MYO5B: variants seen among roughly 807,000 people sequenced by gnomAD.
The protein encoded by MYO5B is myosin VB.
Under a neutral mutation model 229.3 loss-of-function variants are expected in MYO5B, and 143 were observed. That is an observed-to-expected ratio of 0.62 (90% CI 0.54 to 0.72). The LOEUF (loss-of-function observed/expected upper bound fraction) is 0.72, where lower values mean the gene tolerates loss of function less well. Ranked by LOEUF, MYO5B falls within the 30% of genes least tolerant of loss-of-function variation. The probability of loss-of-function intolerance (pLI) is 0.00; values close to 1 mark genes in which losing one functional copy is unlikely to be tolerated. For missense variants in MYO5B, 2,321 were observed against 2,331.0 expected (o/e 1.00, Z 0.09); for synonymous variants, 918 against 885.2 (o/e 1.04, Z -0.66).
intron 1 of MYO5B, among the ~76,000 whole-genome samples, chr18:50,141,932 G>C (rs1340077172): frequency 6.6e-6 from 1 of 152,204 alleles, no homozygotes. Flanking sequence ...ATTCAAGAAA[G>C]AGAAAATCAT....
At chr18:50,122,753 C>T (rs2032090421) in intron 1 of MYO5B, among the ~76,000 whole-genome samples, 1 of 149,624 alleles carries the variant, frequency 6.7e-6, no homozygotes, top group Non-Finnish European at 1.5e-5. Flanking sequence ...CAAATCAAAA[C>T]CACAATAAGA....
intron 4 of MYO5B, among the ~76,000 whole-genome samples, chr18:50,012,159 A>G (rs566583389): frequency 2.0e-5 from 3 of 152,210 alleles, no homozygotes; most frequent in Non-Finnish European, 2.9e-5. Context: ...TTTGTTTTTA[A>G]AATTCCACAA....
chr18:49,975,127 A>G (rs1032601513), intron 9 of MYO5B, among the ~76,000 whole-genome samples: 5 of 152,322 alleles, frequency 3.3e-5, no homozygotes, highest in African/African-American at 1.2e-4. Context: ...CAGCCCAGAA[A>G]GCAATTCTCT....
chr18:50,067,236 T>C (rs924509270), intron 1 of MYO5B, among the ~76,000 whole-genome samples: 1 of 152,202 alleles, frequency 6.6e-6, no homozygotes, highest in African/African-American at 2.4e-5. Context: ...AAAAGAGAGC[T>C]GTCACTGTGA....
At chr18:50,041,655 T>G (rs1179502377) in intron 2 of MYO5B, among the ~76,000 whole-genome samples, 1 of 152,184 alleles carries the variant, frequency 6.6e-6, no homozygotes, top group Non-Finnish European at 1.5e-5. Flanking sequence ...AAAATAAGTT[T>G]AGATAGAACA....
At chr18:49,967,122 G>A (rs138074807) in intron 10 of MYO5B, among the ~76,000 whole-genome samples, 4 of 151,522 alleles carry the variant, frequency 2.6e-5, no homozygotes, top group African/African-American at 7.2e-5. Context: ...TCAAAACATA[G>A]AGTAAGAATC....
At chr18:49,952,734 G>A (rs7229403) in intron 14 of MYO5B, among the ~76,000 whole-genome samples, 53,415 of 151,956 alleles carry the variant, frequency 0.35, 10,503 homozygotes, top group Middle Eastern at 0.58. Flanking sequence ...CAGAGAAAGA[G>A]TCCAAAGTAG....
rs138257427 is a variant in MYO5B at position 50,127,410 on chromosome 18, A to G, written c.27+67357T>C. On this transcript the variant is annotated intron_variant, in intron 1 of 39. Coordinates refer to ENST00000285039, the MANE Select transcript of MYO5B (RefSeq NM_001080467.3). Reference sequence around the variant, plus strand: ...GGGCTAAGAGAACAAGCTTTTACTGAGCACCTACAACAGATGCAGTGCTCT... The same window carrying G: ...GGGCTAAGAGAACAAGCTTTTACTGGGCACCTACAACAGATGCAGTGCTCT... Among the ~76,000 whole-genome samples the G allele has an allele frequency of 7.8e-4, 119 of 152,310 alleles. 1 individual carries two copies. The highest frequency in any genetic ancestry group is 6.8e-3 in the South Asian group (33 of 4,824).
chr18:49,835,407 G>T lies in MYO5B; in HGVS notation c.5331C>A (p.Asn1777Lys), dbSNP rs1483435825. 6.8e-6 allele frequency: 11 copies of T among 1,612,436 alleles called. No individual in the cohort carries two copies. The highest frequency in any genetic ancestry group is 9.3e-6 in the Non-Finnish European group (11 of 1,179,108). The change falls in exon 39 of 40, where the codon AAC (asparagine) becomes AAA (lysine). Residue 1777 changes from asparagine (N) to lysine (K), a missense_variant. By Grantham distance (94) the Asn-to-Lys change is moderately conservative. Transcript: ENST00000285039. ...CAAATTCATTCAGGGGAGTATAAAG[G>T]TTTAAAATTTTGACAATCTGTTGGG... ...LSTQQIVKIL[N>K]LYTPLNEFEE...
intron 1 of MYO5B, among the ~76,000 whole-genome samples, chr18:50,119,254 C>T (rs145142206): frequency 7.9e-4 from 121 of 152,290 alleles, no homozygotes; most frequent in African/African-American, 2.8e-3. Context: ...CTATCCCAGA[C>T]GAGGGGCTCC....
chr18:49,994,943 C>T (rs984759591), intron 5 of MYO5B, among the ~76,000 whole-genome samples: 5 of 152,174 alleles, frequency 3.3e-5, no homozygotes, highest in Non-Finnish European at 7.3e-5. Flanking sequence ...TTTAATGCTG[C>T]CAAGAACCCT....
In MYO5B at chr18:50,033,453, C is replaced by T. The variant is rs563379462; in HGVS notation, c.455+3397G>A. Among the ~76,000 whole-genome samples, 6 of 152,204 alleles carry T rather than the reference C, an allele frequency of 3.9e-5. 1 individual carries two copies. The highest frequency in any genetic ancestry group is 2.0e-4 in the Admixed American group (3 of 15,286). On this transcript the variant is annotated intron_variant, in intron 4 of 39. Coordinates refer to ENST00000285039, the MANE Select transcript of MYO5B (RefSeq NM_001080467.3). ...CTGCAATTATAGGCTTCTTGGCCTA[C>T]GTACGTCTTTTCTCTCCCACCAGAC...
At chr18:50,100,828 G>A (rs1054990326) in intron 1 of MYO5B, among the ~76,000 whole-genome samples, 1 of 152,244 alleles carries the variant, frequency 6.6e-6, no homozygotes, top group Non-Finnish European at 1.5e-5. Context: ...AAGACCCCTA[G>A]ATGCGGAAGT....
chr18:50,038,799 T>C (rs927335644), intron 3 of MYO5B, among the ~76,000 whole-genome samples: 7 of 152,234 alleles, frequency 4.6e-5, no homozygotes. Flanking sequence ...GATGGTCACT[T>C]ATCTTTTTCT....
At chr18:49,935,004 G>A (rs2025233889) in intron 16 of MYO5B, among the ~76,000 whole-genome samples, 1 of 152,174 alleles carries the variant, frequency 6.6e-6, no homozygotes, top group Admixed American at 6.5e-5. Context: ...TGGCCAGAGG[G>A]AACAGCATGC....
rs767666638 is a variant in MYO5B at position 49,906,545 on chromosome 18, T to A, written c.2288A>T (p.Lys763Met). Residue 763 changes from lysine to methionine, a missense_variant, in exon 19 of 40, where the codon AAG (lysine) becomes ATG (methionine). Lys to Met is a moderately conservative substitution (Grantham distance 95). This residue lies in a region of MYO5B where 2,113 missense variants were observed against 2,044.7 expected (regional missense o/e 1.03). Coordinates refer to ENST00000285039, the MANE Select transcript of MYO5B (RefSeq NM_001080467.3). ...VAYLEKLRADKFRTATIMIQK... is the reference protein window; with the variant it reads ...VAYLEKLRADMFRTATIMIQK... ...GATCATGATGGTGGCTGTCCGGAAC[T>A]TGTCAGCCCGCAGCTTCTCCAGGTA... is the stretch of plus-strand genomic sequence containing the variant. The A allele has an allele frequency of 2.5e-6, 4 of 1,614,172 alleles. No individual in the cohort carries two copies. Among genetic ancestry groups the A allele is most frequent in the Non-Finnish European group, 2.5e-6 (3 of 1,180,020 alleles).
At chr18:50,127,822 C>T (rs2032190565) in intron 1 of MYO5B, among the ~76,000 whole-genome samples, 1 of 152,194 alleles carries the variant, frequency 6.6e-6, no homozygotes, top group African/African-American at 2.4e-5. Context: ...AAGCAGGTTG[C>T]CCTCCCCACT....
chr18:49,953,894 A>ATGTGTGTGTGTGTG (rs71169463), intron 13 of MYO5B, among the ~76,000 whole-genome samples: 1 of 108,472 alleles, frequency 9.2e-6, no homozygotes, highest in Non-Finnish European at 2.2e-5. Context: ...ATATACATAT[A>ATGTGTGTGTGTGTG]TGTGTGTGTG....
In MYO5B at chr18:50,166,343, A is replaced by C. The variant is rs1599072110; in HGVS notation, c.27+28424T>G. Among the ~76,000 whole-genome samples, 6 of 152,348 alleles carry C rather than the reference A, an allele frequency of 3.9e-5. No homozygotes were observed. The South Asian group carries it at 1.2e-3, about 32-fold the overall frequency. ...CTGAATACTGGTAACAGCAGCCCAA[A>C]TTATTTTTGGGTATGGCCATGCTTA... On this transcript the variant is annotated intron_variant, in intron 1 of 39. Coordinates refer to ENST00000285039, the MANE Select transcript of MYO5B (RefSeq NM_001080467.3).
Sources: allele counts gnomAD v4.1 joint callset (sites outside exome capture counted in the v4.1 genomes callset), GRCh38; gene constraint gnomAD v4.1.1; regional missense constraint gnomAD v4.1.1; transcripts MANE v1.5; gene names NCBI Gene and HGNC (gene_info 2026-07-23, HGNC 2026-07-21).